FAM3B: variants seen among roughly 807,000 people sequenced by gnomAD.
FAM3B encodes the protein protein FAM3B.
In FAM3B, 29 loss-of-function variants were observed where a neutral mutation model predicts 28.4. The observed-to-expected ratio is 1.02, with a 90% confidence interval of 0.76 to 1.39. FAM3B has a LOEUF of 1.39. FAM3B is among the 40% of genes most tolerant of loss of function. The pLI is 0.00. For missense variants in FAM3B, 266 were observed against 293.9 expected, an observed-to-expected ratio of 0.91 and a Z score of 0.69; for synonymous variants, 91 against 103.0, an observed-to-expected ratio of 0.88 and a Z score of 0.71.
At chr21:41,329,331 C>T (rs1568915549) in intron 2 of FAM3B, among the ~76,000 whole-genome samples, 1 of 152,202 alleles carries the variant, frequency 6.6e-6, no homozygotes, top group African/African-American at 2.4e-5. Flanking sequence ...CACACCTTCT[C>T]GCCTTGTCCT....
intron 2 of FAM3B, among the ~76,000 whole-genome samples, chr21:41,329,156 G>A (rs1006079125): frequency 3.8e-4 from 58 of 152,122 alleles, no homozygotes; most frequent in African/African-American, 1.3e-3. Flanking sequence ...GGTGATTTTC[G>A]TGTATACAAT....
At chr21:41,332,032 G>C (rs2088910774) in intron 2 of FAM3B, among the ~76,000 whole-genome samples, 1 of 152,194 alleles carries the variant, frequency 6.6e-6, no homozygotes, top group South Asian at 2.1e-4. Flanking sequence ...GCTGGAGGTG[G>C]AGCCTGGAGG....
intron 2 of FAM3B, among the ~76,000 whole-genome samples, chr21:41,325,810 C>T (rs973928046): frequency 3.9e-5 from 6 of 152,210 alleles, no homozygotes; most frequent in Non-Finnish European, 5.9e-5. Context: ...CCAGGAGAGT[C>T]CGGACGCAAG....
At chr21:41,344,636 G>T in intron 4 of FAM3B, 102 bp downstream of exon 4, 1 of 863,482 alleles carries the variant, frequency 1.2e-6, no homozygotes, top group South Asian at 1.5e-5. Flanking sequence ...ATTTAGTCTA[G>T]GTTTGTATTT....
At chr21:41,328,207 T>G (rs1304311421) in intron 2 of FAM3B, among the ~76,000 whole-genome samples, 1 of 152,198 alleles carries the variant, frequency 6.6e-6, no homozygotes, top group Non-Finnish European at 1.5e-5. Context: ...GGAGGATTCC[T>G]GAGTATTCCC....
At chr21:41,330,241 C>A (rs2088893000) in intron 2 of FAM3B, among the ~76,000 whole-genome samples, 1 of 151,898 alleles carries the variant, frequency 6.6e-6, no homozygotes, top group Non-Finnish European at 1.5e-5. Context: ...CATGACACTC[C>A]AAGGAAATAT....
At chr21:41,304,380 G>A (rs1218492084) in intron 1 of FAM3B, 1 of 451,252 alleles carries the variant, frequency 2.2e-6, no homozygotes, top group Non-Finnish European at 4.4e-6. Flanking sequence ...CCTGCATCTG[G>A]GACCCTGAGC....
intron 1 of FAM3B, among the ~76,000 whole-genome samples, chr21:41,318,493 G>A (rs1208086959): frequency 1.3e-5 from 2 of 152,198 alleles, no homozygotes; most frequent in Non-Finnish European, 2.9e-5. Flanking sequence ...GTGTTTCAGA[G>A]TGGCCCTTCC....
rs1253061762 is a variant in FAM3B at position 41,338,412 on chromosome 21, G to A, written c.198G>A (p.Trp66Ter). The A allele has an allele frequency of 6.2e-7, 1 of 1,614,160 alleles. No homozygotes were observed. The highest frequency in any genetic ancestry group is 1.7e-5 in the Admixed American group (1 of 60,024). The change falls in exon 3 of 8, where the codon TGG (tryptophan) becomes TGA (stop). Residue 66 changes from tryptophan to a stop codon, truncating the protein, a stop_gained. Transcript: ENST00000357985. LOFTEE classifies it high-confidence loss of function. ...CCAAAAGGCAAAAATGTGACCACTG[G>A]ACTCCCTGCCCATCTGACACCTATG... is the stretch of plus-strand genomic sequence containing the variant. ...PVPKRQKCDHWTPCPSDTYAY... is the reference protein window; with the variant it reads ...PVPKRQKCDH
At chr21:41,306,735 G>A (rs2088684802) in intron 1 of FAM3B, among the ~76,000 whole-genome samples, 1 of 152,198 alleles carries the variant, frequency 6.6e-6, no homozygotes, top group Admixed American at 6.5e-5. Context: ...ACCACAGACA[G>A]TAGATGTAGC....
chr21:41,357,046 A>T (rs2089173299), intron 7 of FAM3B, 62 bp from the exon 8 acceptor site: 1 of 1,271,686 alleles, frequency 7.9e-7, no homozygotes, highest in African/African-American at 1.5e-5. Flanking sequence ...CACAACTGAT[A>T]CTGATTAAAT....
Position 41,322,912 on chromosome 21 carries a change from C to T in FAM3B, c.20-11C>T, listed in dbSNP as rs1197631638. On this transcript the variant is annotated splice_polypyrimidine_tract_variant and intron_variant, in intron 1 of 7. Coordinates refer to ENST00000357985, the MANE Select transcript of FAM3B (RefSeq NM_058186.4). ...GTCGTTCACAGCAGCTGCTTGGTGT[C>T]CTCTCTGCAGGCCTGCTCAAGGTGG... 6.2e-7 allele frequency: 1 copy of T among 1,613,974 alleles called. No individual in the cohort carries two copies. Among genetic ancestry groups the T allele is most frequent in the African/African-American group, 1.3e-5 (1 of 74,948 alleles).
At chr21:41,322,804 C>T (rs763795973) in intron 1 of FAM3B, 119 bp from the exon 2 acceptor site, 21 of 1,501,074 alleles carry the variant, frequency 1.4e-5, no homozygotes, top group Middle Eastern at 1.7e-4. Context: ...AGCACAGTGC[C>T]TATAGCGCAG....
Position 41,316,834 on chromosome 21 carries a change from G to T in FAM3B, c.-46G>T. On this transcript the variant is annotated 5_prime_UTR_variant, in exon 1 of 8. Coordinates refer to ENST00000357985, the MANE Select transcript of FAM3B (RefSeq NM_058186.4). ...CCCAGGGGCTCCGCTGGCTGCGGTC[G>T]CCTGGGAGCTGCCGCCAGGGCCAGG... 7.0e-7 allele frequency: 1 copy of T among 1,429,078 alleles called. No individual in the cohort carries two copies. Among genetic ancestry groups the T allele is most frequent in the South Asian group, 1.4e-5 (1 of 70,754 alleles). The allele number at this position is 1,429,078 out of a possible 1,614,324, so 88.5% of individuals were successfully genotyped here. A position where few individuals can be genotyped will look rare whatever the true frequency, so the allele number is the denominator to read the frequency against.
Position 41,345,746 on chromosome 21 carries a change from T to A in FAM3B, c.397+10T>A. ...GATATGTATGAAGGTGGTAAGAAAA[T>A]TTTTTCTGTTAAAATTCAAATGAAT... is the stretch of plus-strand genomic sequence containing the variant. On this transcript the variant is annotated intron_variant, in intron 5 of 7. Transcript: ENST00000357985. The A allele has an allele frequency of 6.7e-7, 1 of 1,501,420 alleles. No individual in the cohort carries two copies. Among genetic ancestry groups the A allele is most frequent in the Non-Finnish European group, 9.2e-7 (1 of 1,086,450 alleles). The allele number at this position is 1,501,420 out of a possible 1,614,324, so 93.0% of individuals were successfully genotyped here. A position where few individuals can be genotyped will look rare whatever the true frequency, so the allele number is the denominator to read the frequency against.
upstream of FAM3B, chr21:41,316,707 GCGCACCTGCCGGGTC>G: frequency 2.2e-6 from 1 of 454,646 alleles, no homozygotes; most frequent in Non-Finnish European, 3.6e-6. Flanking sequence ...CGCCCGCCCC[GCGCACCTGCCGGGTC>G]CGCACCTGCC....
intron 3 of FAM3B, among the ~76,000 whole-genome samples, chr21:41,340,191 G>C (rs2088992728): frequency 7.2e-6 from 1 of 138,228 alleles, no homozygotes; most frequent in Non-Finnish European, 1.5e-5. Context: ...GTCTCACTCT[G>C]TCACCAGGCT....
chr21:41,352,582 C>CAGAA (rs1347647094), intron 7 of FAM3B, among the ~76,000 whole-genome samples: 3 of 152,052 alleles, frequency 2.0e-5, no homozygotes, highest in Admixed American at 6.6e-5. Context: ...ATCACGAGGT[C>CAGAA]AGAAGTTCAA....
intron 1 of FAM3B, among the ~76,000 whole-genome samples, chr21:41,305,257 G>A (rs1453768339): frequency 6.6e-6 from 1 of 152,152 alleles, no homozygotes; most frequent in Non-Finnish European, 1.5e-5. Context: ...GTTCCATGCA[G>A]AGGTATAGGC....
Sources: gnomAD v4.1 joint callset for allele counts (sites outside exome capture counted in the v4.1 genomes callset) on GRCh38, gnomAD v4.1.1 for gene constraint, MANE v1.5 for transcripts, NCBI Gene and HGNC (gene_info 2026-07-23, HGNC 2026-07-21) for gene names.